ADAMTS3: variants seen among roughly 807,000 people sequenced by gnomAD.
ADAMTS3 encodes ADAM metallopeptidase with thrombospondin type 1 motif 3.
In ADAMTS3, 73 loss-of-function variants were observed where a neutral mutation model predicts 129.0. The observed-to-expected ratio is 0.57, with a 90% CI of 0.47 to 0.69. The LOEUF (loss-of-function observed/expected upper bound fraction) is 0.69. ADAMTS3 is among the 30% of genes least tolerant of loss of function. ADAMTS3 has a pLI of 0.00. For synonymous variants in ADAMTS3, 477 were observed against 510.8 expected (o/e 0.93, Z 0.89); for missense variants, 1,457 against 1,514.5 (o/e 0.96, Z 0.63).
At chr4:72,488,417 C>T (rs1329389758) in intron 3 of ADAMTS3, among the ~76,000 whole-genome samples, 1 of 151,972 alleles carries the variant, frequency 6.6e-6, no homozygotes, top group Non-Finnish European at 1.5e-5. Flanking sequence ...AGATAGCTTA[C>T]TCTTCTGATA....
rs1170717712 is a variant in ADAMTS3, at chr4:72,283,429, C to T, written c.3325G>A (p.Val1109Met). The change falls in exon 22 of 22, where the codon GTG becomes ATG. Residue 1109 changes from valine (V) to methionine (M), a missense_variant. Val to Met is a conservative substitution (Grantham distance 21, BLOSUM62 1). Coordinates refer to ENST00000286657, the MANE Select transcript of ADAMTS3 (RefSeq NM_014243.3). ...GCAGCATATGCATTTGGACCTCCCA[C>T]TGAAGAGATGCTACTCAAAGACATC... ...KKMSLSSISS[V>M]GGPNAYAAFR... is the part of the protein sequence containing the mutation. 1.2e-6 allele frequency: 2 copies of T among 1,613,932 alleles called. No homozygotes were observed. Among genetic ancestry groups the T allele is most frequent in the Non-Finnish European group, 8.5e-7 (1 of 1,179,984 alleles).
At chr4:72,501,411 C>T (rs959787218) in intron 3 of ADAMTS3, among the ~76,000 whole-genome samples, 1 of 151,922 alleles carries the variant, frequency 6.6e-6, no homozygotes, top group Non-Finnish European at 1.5e-5. Flanking sequence ...TGATTTGGCT[C>T]GCAGCTTAAA....
intron 18 of ADAMTS3, among the ~76,000 whole-genome samples, chr4:72,297,657 G>T (rs1011071240): frequency 1.3e-5 from 2 of 152,114 alleles, no homozygotes; most frequent in African/African-American, 4.8e-5. Flanking sequence ...GCACAGTGCA[G>T]TGAGTGAGAG....
chr4:72,409,441 C>G (rs1032898868), intron 4 of ADAMTS3, among the ~76,000 whole-genome samples: 1 of 152,136 alleles, frequency 6.6e-6, no homozygotes, highest in African/African-American at 2.4e-5. Context: ...TTCAGTCAGT[C>G]AAACATATTT....
intron 3 of ADAMTS3, among the ~76,000 whole-genome samples, chr4:72,493,142 C>T (rs919181796): frequency 2.6e-5 from 4 of 151,840 alleles, no homozygotes; most frequent in African/African-American, 9.7e-5. Flanking sequence ...CAACATATCA[C>T]CAAATTTGTT....
intron 2 of ADAMTS3, among the ~76,000 whole-genome samples, chr4:72,553,738 A>C (rs1309786187): frequency 6.6e-6 from 1 of 152,020 alleles, no homozygotes; most frequent in East Asian, 1.9e-4. Flanking sequence ...TAAGGGGTAC[A>C]TGTTCTCTTC....
chr4:72,484,225 A>G (rs969866467), intron 3 of ADAMTS3, among the ~76,000 whole-genome samples: 3 of 152,204 alleles, frequency 2.0e-5, no homozygotes, highest in Non-Finnish European at 2.9e-5. Context: ...ACACTAAATT[A>G]CAGTGCACAG....
rs929726044 is a variant in ADAMTS3 at position 72,519,630 on chromosome 4, C to T, written c.504+28848G>A. 7.2e-5 allele frequency among the ~76,000 whole-genome samples: 11 copies of T among 152,266 alleles called. No homozygotes were observed. In the South Asian group the frequency reaches 8.3e-4, roughly 11 times the overall value. Reference sequence around the variant, plus strand: ...TACCCTTTCTTCCAGTTGATTGCATCGGCTCCTGAGGCTTCTGCATTCTTC... The same window carrying T: ...TACCCTTTCTTCCAGTTGATTGCATTGGCTCCTGAGGCTTCTGCATTCTTC... On this transcript the variant is annotated intron_variant, in intron 3 of 21. Coordinates refer to ENST00000286657, the MANE Select transcript of ADAMTS3 (RefSeq NM_014243.3).
At chr4:72,339,454 T>C (rs754717336) in intron 5 of ADAMTS3, 40 bp downstream of exon 5, 1 of 1,599,118 alleles carries the variant, frequency 6.3e-7, no homozygotes, top group South Asian at 1.1e-5. Flanking sequence ...GAGAAGTGAA[T>C]TAAAAGATCA....
intron 4 of ADAMTS3, among the ~76,000 whole-genome samples, chr4:72,373,264 G>T (rs1721056612): frequency 1.3e-5 from 2 of 152,102 alleles, no homozygotes; most frequent in Non-Finnish European, 2.9e-5. Context: ...AAAGCCAACA[G>T]AAGAGACGGA....
At chr4:72,534,152 C>A (rs779323171) in intron 3 of ADAMTS3, among the ~76,000 whole-genome samples, 1 of 152,038 alleles carries the variant, frequency 6.6e-6, no homozygotes, top group South Asian at 2.1e-4. Context: ...ACGGTGAAAA[C>A]CCGTCTCTAC....
rs78222264 is a variant in ADAMTS3 at position 72,316,325 on chromosome 4, G to A, written c.1486-354C>T. On this transcript the variant is annotated intron_variant, in intron 10 of 21. Transcript: ENST00000286657. ...TGTAAATATGAAAATATAATGGTTT[G>A]GCAGCTCTCAAGCTATCAAAATGTC... Among the ~76,000 whole-genome samples the A allele has an allele frequency of 2.3e-3, 344 of 152,190 alleles. 1 individual carries two copies. Among genetic ancestry groups the A allele is most frequent in the African/African-American group, 7.7e-3 (319 of 41,526 alleles).
At chr4:72,464,597 A>G (rs1477942382) in intron 3 of ADAMTS3, among the ~76,000 whole-genome samples, 1 of 152,044 alleles carries the variant, frequency 6.6e-6, no homozygotes, top group African/African-American at 2.4e-5. Context: ...GAATTCTGGG[A>G]AAAGTGTGGG....
intron 3 of ADAMTS3, chr4:72,442,136 T>A (rs1718134784): frequency 6.6e-6 from 1 of 151,836 alleles, no homozygotes; most frequent in Non-Finnish European, 1.5e-5. Context: ...CTCATGCACA[T>A]GTTTGGCACC....
chr4:72,390,511 AT>A (rs988373570), intron 4 of ADAMTS3, among the ~76,000 whole-genome samples: 8 of 152,140 alleles, frequency 5.3e-5, no homozygotes, highest in African/African-American at 1.9e-4. Context: ...CAAAGCTTTT[AT>A]TTTTAACTTT....
chr4:72,422,535 AG>A (rs978812263), intron 3 of ADAMTS3, among the ~76,000 whole-genome samples: 12 of 152,144 alleles, frequency 7.9e-5, no homozygotes, highest in Middle Eastern at 3.4e-3. Context: ...AGCATTTCGG[AG>A]GGGATATTTA....
chr4:72,323,834 T>C (rs1719628842), intron 5 of ADAMTS3, among the ~76,000 whole-genome samples: 1 of 152,154 alleles, frequency 6.6e-6, no homozygotes. Context: ...TTGGAATAAG[T>C]GCAACCTCAG....
chr4:72,368,743 T>C (rs1433696204), intron 4 of ADAMTS3, among the ~76,000 whole-genome samples: 1 of 152,258 alleles, frequency 6.6e-6, no homozygotes, highest in Non-Finnish European at 1.5e-5. Context: ...AATTCTCACT[T>C]TCTACCTTGT....
At chr4:72,351,818 G>C (rs941256386) in intron 4 of ADAMTS3, among the ~76,000 whole-genome samples, 1 of 151,932 alleles carries the variant, frequency 6.6e-6, no homozygotes, top group East Asian at 1.9e-4. Context: ...TTTGCTCTGA[G>C]TTTTTCACAA....
Sources: gnomAD v4.1 joint callset for allele counts (sites outside exome capture counted in the v4.1 genomes callset) on GRCh38, gnomAD v4.1.1 for gene constraint, MANE v1.5 for transcripts, NCBI Gene and HGNC (gene_info 2026-07-23, HGNC 2026-07-21) for gene names.